The following VSTM2B variants were observed in gnomAD, a reference collection of about 807,000 sequenced individuals.
The protein encoded by VSTM2B is V-set and transmembrane domain containing 2B.
A neutral mutation model predicts 24.0 loss-of-function variants in VSTM2B; 24 were observed. The observed-to-expected ratio is 1.00, with a 90% CI of 0.72 to 1.40. VSTM2B has a LOEUF of 1.40. VSTM2B is among the 40% of genes most tolerant of loss of function. The pLI, the probability that VSTM2B is intolerant of heterozygous loss-of-function variation, is 0.00. For synonymous variants in VSTM2B, 226 were observed against 194.4 expected (o/e 1.16, Z -1.35); for missense variants, 399 against 416.4 (o/e 0.96, Z 0.36).
At chr19:29,529,756 G>C in intron 3 of VSTM2B, 63 bp from the exon 4 acceptor site, 1 of 1,482,342 alleles carries the variant, frequency 6.7e-7, no homozygotes, top group East Asian at 2.5e-5. Context: ...GCGACGGCCA[G>C]GGTGGCCAGA....
chr19:29,563,672 A>C lies in VSTM2B; in HGVS notation c.770-174A>C, dbSNP rs1309582187. On this transcript the variant is annotated intron_variant, in intron 4 of 4. Coordinates refer to ENST00000335523, the MANE Select transcript of VSTM2B (RefSeq NM_001146339.2). ...GTATGGTCTGTAAATTACAAACTGC[A>C]GCAACAAAATGCTTAATCATTAAAC... Among the ~76,000 whole-genome samples, 4 of 152,218 alleles carry C rather than the reference A, an allele frequency of 2.6e-5. No individual in the cohort carries two copies. In the East Asian group the frequency reaches 5.8e-4, roughly 22 times the overall value.
rs143702867 is a variant in VSTM2B, at chr19:29,538,442, G to A, written c.769+8152G>A. Among the ~76,000 whole-genome samples, 616 of 152,278 alleles carry A rather than the reference G, an allele frequency of 4.0e-3. 2 individuals are homozygous for A. Among genetic ancestry groups the A allele is most frequent in the Non-Finnish European group, 6.9e-3 (470 of 68,028 alleles). On this transcript the variant is annotated intron_variant, in intron 4 of 4. Coordinates refer to ENST00000335523, the MANE Select transcript of VSTM2B (RefSeq NM_001146339.2). ...GGAATGGTGTTAACCATCCAGGATC[G>A]CTTACTAAGCTGGACAGGGTGCTCC... is the stretch of plus-strand genomic sequence containing the variant.
In VSTM2B at chr19:29,526,031, C is replaced by A. The variant is rs1969552472; in HGVS notation, c.-553C>A. On this transcript the variant is annotated 5_prime_UTR_variant, in exon 1 of 5. Transcript: ENST00000335523. This position sits in a 1 kb window ranked among gnomAD's most constrained non-coding sequence, Gnocchi z 4.1. ...CTCCGGGTCCGCCACGCCGGACCCG[C>A]TCTCCCCGCGCTGCGCTGGGTCGGA... Among the ~76,000 whole-genome samples, 2 of 152,042 alleles carry A rather than the reference C, an allele frequency of 1.3e-5. No individual in the cohort carries two copies. Among genetic ancestry groups the A allele is most frequent in the South Asian group, 4.1e-4 (2 of 4,834 alleles).
At position 29,528,378 on chromosome 19, in the gene VSTM2B, C is replaced by G. The variant is rs1162505948; in HGVS notation, c.268-55C>G. ...CCTTGCCTAAAGGCGGATCCGAGTT[C>G]CCCTAGCCAGAAGGCCGCGAGCCTC... On this transcript the variant is annotated intron_variant, in intron 2 of 4. Coordinates refer to ENST00000335523, the MANE Select transcript of VSTM2B (RefSeq NM_001146339.2). 1.5e-5 allele frequency: 24 copies of G among 1,550,290 alleles called. No homozygotes were observed. In the East Asian group the frequency reaches 5.1e-4, roughly 33 times the overall value.
At chr19:29,528,384 G>T in intron 2 of VSTM2B, 49 bp from the exon 3 acceptor site, 1 of 1,550,860 alleles carries the variant, frequency 6.4e-7, no homozygotes, top group Middle Eastern at 1.7e-4. Context: ...AGTTCCCCTA[G>T]CCAGAAGGCC....
At chr19:29,542,134 T>C (rs1313771179) in intron 4 of VSTM2B, among the ~76,000 whole-genome samples, 1 of 146,612 alleles carries the variant, frequency 6.8e-6, no homozygotes, top group Non-Finnish European at 1.5e-5. Flanking sequence ...AGAAGGATTA[T>C]AAATAGATGG....
rs1406597054 is a variant in VSTM2B at position 29,526,028 on chromosome 19, C to T, written c.-556C>T. Among the ~76,000 whole-genome samples the T allele has an allele frequency of 6.6e-6, 1 of 152,010 alleles. No individual in the cohort carries two copies. Among genetic ancestry groups the T allele is most frequent in the Non-Finnish European group, 1.5e-5 (1 of 67,956 alleles). On this transcript the variant is annotated 5_prime_UTR_variant, in exon 1 of 5. Coordinates refer to ENST00000335523, the MANE Select transcript of VSTM2B (RefSeq NM_001146339.2). The surrounding 1 kb of genome is among the most constrained non-coding windows in gnomAD (Gnocchi z 4.1). ...CGGCTCCGGGTCCGCCACGCCGGACCCGCTCTCCCCGCGCTGCGCTGGGTC... is the reference window on the plus strand; with the variant it reads ...CGGCTCCGGGTCCGCCACGCCGGACTCGCTCTCCCCGCGCTGCGCTGGGTC...
chr19:29,539,409 A>G (rs1351069239), intron 4 of VSTM2B, among the ~76,000 whole-genome samples: 3 of 151,970 alleles, frequency 2.0e-5, no homozygotes, highest in Admixed American at 1.3e-4. Flanking sequence ...TCTCCAGGGG[A>G]GAAGTGGGGA....
At chr19:29,563,052 C>T (rs192407803) in intron 4 of VSTM2B, among the ~76,000 whole-genome samples, 6 of 152,196 alleles carry the variant, frequency 3.9e-5, no homozygotes, top group African/African-American at 1.2e-4. Flanking sequence ...CACACAGCAA[C>T]ATCAGGATGC....
chr19:29,537,874 C>T (rs1048777765), intron 4 of VSTM2B, among the ~76,000 whole-genome samples: 1 of 151,954 alleles, frequency 6.6e-6, no homozygotes, highest in African/African-American at 2.4e-5. Flanking sequence ...CGCTAGAGAC[C>T]GAGGCCAGGA....
chr19:29,548,294 C>T (rs1004721672), intron 4 of VSTM2B, among the ~76,000 whole-genome samples: 4 of 152,092 alleles, frequency 2.6e-5, no homozygotes, highest in Non-Finnish European at 5.9e-5. Flanking sequence ...CTACCCAGGG[C>T]CTGGAAGCGA....
intron 4 of VSTM2B, among the ~76,000 whole-genome samples, chr19:29,553,219 A>G (rs905549453): frequency 2.6e-5 from 4 of 152,206 alleles, no homozygotes; most frequent in Non-Finnish European, 4.4e-5. Flanking sequence ...GTGCCCTTCC[A>G]GGATGGAGAT....
intron 4 of VSTM2B, among the ~76,000 whole-genome samples, chr19:29,545,720 C>A (rs985665179): frequency 6.6e-6 from 1 of 152,194 alleles, no homozygotes; most frequent in Non-Finnish European, 1.5e-5. Context: ...TTTTCTTTAT[C>A]CAGCCCACCG....
chr19:29,556,154 CA>C, intron 4 of VSTM2B, among the ~76,000 whole-genome samples: 1 of 151,534 alleles, frequency 6.6e-6, no homozygotes, highest in South Asian at 2.1e-4. Context: ...AACATCGATG[CA>C]AAAATACTCA....
chr19:29,526,847 C>A lies in VSTM2B; in HGVS notation c.82+182C>A. The A allele has an allele frequency of 1.8e-6, 1 of 557,478 alleles. No homozygotes were observed. The highest frequency in any genetic ancestry group is 3.0e-6 in the Non-Finnish European group (1 of 336,478). 34.5% of individuals were successfully genotyped at this position (557,478 alleles called of 1,614,324 possible). ...GCGAAGGGTCGCCGCAGCAGCAGCG[C>A]CGCGCCCGAGTCGTTCCCAGTCCCG... On this transcript the variant is annotated intron_variant, in intron 1 of 4. Coordinates refer to ENST00000335523, the MANE Select transcript of VSTM2B (RefSeq NM_001146339.2). The surrounding 1 kb of genome is among the most constrained non-coding windows in gnomAD (Gnocchi z 4.1).
At chr19:29,540,507 GCTC>G (rs1969996720) in intron 4 of VSTM2B, among the ~76,000 whole-genome samples, 1 of 152,210 alleles carries the variant, frequency 6.6e-6, no homozygotes. Flanking sequence ...CTGCCTCAGG[GCTC>G]CCAGCAGTTC....
chr19:29,527,459 C>T, intron 2 of VSTM2B, 64 bp downstream of exon 2: 4 of 1,370,942 alleles, frequency 2.9e-6, no homozygotes, highest in Non-Finnish European at 3.8e-6. Flanking sequence ...CGAAGGCTAA[C>T]CCAGGGAGGG....
At chr19:29,531,475 G>C (rs1969756231) in intron 4 of VSTM2B, among the ~76,000 whole-genome samples, 1 of 152,206 alleles carries the variant, frequency 6.6e-6, no homozygotes, top group Admixed American at 6.5e-5. Context: ...CATGTCCTTA[G>C]TGTCACCATC....
chr19:29,532,869 C>A (rs1389280087), intron 4 of VSTM2B, among the ~76,000 whole-genome samples: 6 of 152,208 alleles, frequency 3.9e-5, no homozygotes, highest in Admixed American at 3.9e-4. Flanking sequence ...CCGGTCAAGA[C>A]CATGTGAAAT....
Sources: gnomAD v4.1 joint callset for allele counts (sites outside exome capture counted in the v4.1 genomes callset) on GRCh38, gnomAD v4.1.1 for gene constraint, Gnocchi (gnomAD v3.1) non-coding constraint, MANE v1.5 for transcripts, NCBI Gene and HGNC (gene_info 2026-07-23, HGNC 2026-07-21) for gene names.